The following NGEF variants were observed in gnomAD, a reference collection of about 807,000 sequenced individuals.
NGEF encodes the protein neuronal guanine nucleotide exchange factor.
NGEF carries 31 observed loss-of-function variants against 80.9 expected under a neutral mutation model. That is an observed-to-expected ratio of 0.38 (90% CI 0.29 to 0.52). NGEF has a LOEUF of 0.52. NGEF is among the 20% of genes least tolerant of loss of function. The pLI is 0.84. For synonymous variants in NGEF, 371 were observed against 370.2 expected (o/e 1.00, Z -0.03); for missense variants, 709 against 926.2 (o/e 0.77, Z 3.04).
rs139775128 is a variant in NGEF at position 232,885,384 on chromosome 2, A to T, written c.1348-15T>A. The T allele has an allele frequency of 1.7e-3, 2,669 of 1,610,044 alleles. 23 individuals carry two copies. Among genetic ancestry groups the T allele is most frequent in the Middle Eastern group, 0.01 (63 of 6,048 alleles). On this transcript the variant is annotated splice_polypyrimidine_tract_variant and intron_variant, in intron 9 of 14. Transcript: ENST00000264051. ...GCCTTCACCACCTGGGACAAGAAGG[A>T]GGGCACATCAGGCCACCAAAGCCGG...
chr2:232,882,200 G>A lies in NGEF; in HGVS notation c.1823C>T (p.Thr608Ile), dbSNP rs760869922. The change falls in exon 13 of 15, where the codon ACA (threonine) becomes ATA (isoleucine). Residue 608 changes from threonine (T) to isoleucine (I), a missense_variant. Physicochemically the swap from Thr to Ile is moderately conservative, Grantham distance 89 (BLOSUM62 -1). This residue lies in a region of NGEF where 426 missense variants were observed against 622.9 expected (regional missense o/e 0.68). Transcript: ENST00000264051. ...PNRRTKFVSF[T>I]SRLLDCPQVQ... ...CGGTGACTTACCCAGCAGCCGGGAT[G>A]TGAACGAAACAAACTTGGTCCTCCT... 6.2e-7 allele frequency: 1 copy of A among 1,613,768 alleles called. No individual in the cohort carries two copies. The highest frequency in any genetic ancestry group is 1.1e-5 in the South Asian group (1 of 90,990).
intron 4 of NGEF, among the ~76,000 whole-genome samples, chr2:232,922,326 G>C (rs867618435): frequency 4.6e-5 from 7 of 152,182 alleles, no homozygotes; most frequent in African/African-American, 1.7e-4. Context: ...CAGGAAGCTA[G>C]TAAGGCCGCC....
At chr2:233,013,041 TA>T (rs767484735) in intron 1 of NGEF, 26 bp downstream of exon 1, 1 of 459,060 alleles carries the variant, frequency 2.2e-6, no homozygotes, top group African/African-American at 2.0e-5. Context: ...TTTATTTTTT[TA>T]AAAAATACCA....
At chr2:232,953,080 G>T (rs553514318) in intron 3 of NGEF, among the ~76,000 whole-genome samples, 5 of 150,738 alleles carry the variant, frequency 3.3e-5, no homozygotes, top group African/African-American at 1.2e-4. Context: ...AAGGTGGGCA[G>T]ATCACGAGGT....
intron 4 of NGEF, among the ~76,000 whole-genome samples, chr2:232,925,867 A>AGCC (rs1693053507): frequency 6.6e-6 from 1 of 152,108 alleles, no homozygotes; most frequent in Non-Finnish European, 1.5e-5. Context: ...CAAAGGGAAA[A>AGCC]GCCACCACCA....
intron 5 of NGEF, among the ~76,000 whole-genome samples, chr2:232,912,723 TG>T (rs935140428): frequency 6.6e-6 from 1 of 152,188 alleles, no homozygotes; most frequent in African/African-American, 2.4e-5. Flanking sequence ...TTATTTCATT[TG>T]GGGTGAGTTT....
At chr2:232,910,268 C>G (rs531707374) in intron 5 of NGEF, among the ~76,000 whole-genome samples, 3 of 152,200 alleles carry the variant, frequency 2.0e-5, no homozygotes, top group African/African-American at 7.2e-5. Flanking sequence ...TGTTCTACCT[C>G]AGATCATCAG....
intron 5 of NGEF, among the ~76,000 whole-genome samples, chr2:232,919,267 G>A (rs1342024285): frequency 6.6e-6 from 1 of 152,058 alleles, no homozygotes; most frequent in African/African-American, 2.4e-5. Flanking sequence ...CAGGAATATC[G>A]GGGGGTAGGG....
At chr2:232,899,937 T>C (rs1329266808) in intron 5 of NGEF, among the ~76,000 whole-genome samples, 1 of 121,834 alleles carries the variant, frequency 8.2e-6, no homozygotes, top group Non-Finnish European at 1.7e-5. Context: ...TTCACTCACA[T>C]TCACTTACAC....
intron 5 of NGEF, among the ~76,000 whole-genome samples, chr2:232,901,734 G>A (rs1381261511): frequency 6.6e-6 from 1 of 152,260 alleles, no homozygotes. Flanking sequence ...CACTGGCCTG[G>A]AGCCCAACTT....
Position 232,915,407 on chromosome 2 carries a change from AT to A in NGEF, c.828+4876del, listed in dbSNP as rs144970512. Among the ~76,000 whole-genome samples the A allele has an allele frequency of 5.6e-3, 847 of 151,838 alleles. 8 individuals carry two copies. The highest frequency in any genetic ancestry group is 0.019 in the African/African-American group (777 of 41,342). On this transcript the variant is annotated intron_variant, in intron 5 of 14. Coordinates refer to ENST00000264051, the MANE Select transcript of NGEF (RefSeq NM_019850.3). ...ATCTCAGAAGTTCATTTAATTTTGTATTTATCTCTTTCAATTCTTTCTATTC... is the reference window on the plus strand; with the variant it reads ...ATCTCAGAAGTTCATTTAATTTTGTATTATCTCTTTCAATTCTTTCTATTC...
intron 1 of NGEF, among the ~76,000 whole-genome samples, chr2:233,010,295 C>T (rs1453186044): frequency 6.6e-6 from 1 of 152,204 alleles, no homozygotes; most frequent in Non-Finnish European, 1.5e-5. Flanking sequence ...GCTGTCCCTT[C>T]ACCTGGAATG....
chr2:232,882,153 C>T lies in NGEF; in HGVS notation c.1837+33G>A, dbSNP rs758090672. 84 of 1,600,888 alleles carry T rather than the reference C, an allele frequency of 5.2e-5. 2 individuals carry two copies. The South Asian group carries it at 8.9e-4, about 17-fold the overall frequency. On this transcript the variant is annotated intron_variant, in intron 13 of 14. Transcript: ENST00000264051. Reference sequence around the variant, plus strand: ...GCATCCGGCAGGGCCAGCCCAAGGACAAATGGCGCCCCCTTACCCACCGGT... The same window carrying T: ...GCATCCGGCAGGGCCAGCCCAAGGATAAATGGCGCCCCCTTACCCACCGGT...
chr2:233,010,363 T>C lies in NGEF; in HGVS notation c.-75+2705A>G, dbSNP rs191848727. On this transcript the variant is annotated intron_variant, in intron 1 of 14. Coordinates refer to ENST00000264051, the MANE Select transcript of NGEF (RefSeq NM_019850.3). ...CTGGAGCATTCATTCTGAGTGAGTG[T>C]GAAAAGAATTACTACCTTATTTTCA... 3.0e-3 allele frequency among the ~76,000 whole-genome samples: 455 copies of C among 152,306 alleles called. 6 individuals carry two copies. Among genetic ancestry groups the C allele is most frequent in the Admixed American group, 0.021 (319 of 15,296 alleles).
intron 6 of NGEF, 107 bp from the exon 7 acceptor site, chr2:232,893,157 G>T: frequency 8.7e-7 from 1 of 1,144,890 alleles, no homozygotes; most frequent in Non-Finnish European, 1.2e-6. Context: ...ACATAGCAGT[G>T]TGCACGGTGA....
chr2:232,990,941 T>C (rs1275410866), intron 1 of NGEF, among the ~76,000 whole-genome samples: 1 of 152,066 alleles, frequency 6.6e-6, no homozygotes, highest in African/African-American at 2.4e-5. Context: ...AAAAATCAAT[T>C]AGTGTAATAT....
At chr2:232,925,705 G>A (rs72617188) in intron 4 of NGEF, among the ~76,000 whole-genome samples, 5,910 of 152,312 alleles carry the variant, frequency 0.039, 266 homozygotes, top group East Asian at 0.24. Flanking sequence ...CCTTTCAAGA[G>A]GGTGGAGGTC....
At chr2:233,006,753 C>T (rs1159897741) in intron 1 of NGEF, among the ~76,000 whole-genome samples, 1 of 152,150 alleles carries the variant, frequency 6.6e-6, no homozygotes, top group African/African-American at 2.4e-5. Context: ...CCTGTATGAT[C>T]TTTACTGTAC....
In NGEF at chr2:232,974,831, T is replaced by G; in HGVS notation, c.60A>C (p.Gln20His). The G allele has an allele frequency of 6.2e-7, 1 of 1,614,156 alleles. No homozygotes were observed. Among genetic ancestry groups the G allele is most frequent in the Non-Finnish European group, 8.5e-7 (1 of 1,179,980 alleles). ...EKTRRKSASD[Q>H]WNTDNEPAKV... ...TGGCTGGTTCATTATCAGTGTTCCA[T>G]TGATCACTTGCTGATTTCCTCCGGG... The change falls in exon 2 of 15, where the codon CAA (glutamine) becomes CAC (histidine). Residue 20 changes from glutamine (Q) to histidine (H), a missense_variant. This residue lies in a region of NGEF where 283 missense variants were observed against 303.4 expected (regional missense o/e 0.93). Transcript: ENST00000264051.
Sources: gnomAD v4.1 joint callset for allele counts (sites outside exome capture counted in the v4.1 genomes callset) on GRCh38, gnomAD v4.1.1 for gene constraint, gnomAD v4.1.1 regional missense constraint, MANE v1.5 for transcripts, NCBI Gene and HGNC (gene_info 2026-07-23, HGNC 2026-07-21) for gene names.